Variants in MYCBP2 observed in about 807,000 individuals in gnomAD.
MYCBP2 encodes E3 ubiquitin-protein ligase MYCBP2.
Under a neutral mutation model 525.3 loss-of-function variants are expected in MYCBP2, and 120 were observed. The observed-to-expected ratio is 0.23, with a 90% CI of 0.20 to 0.27. The LOEUF (loss-of-function observed/expected upper bound fraction) is 0.27, where lower values mean the gene tolerates loss of function less well. MYCBP2 is among the 10% of genes least tolerant of loss of function. The probability of loss-of-function intolerance (pLI) is 1.00; values close to 1 mark genes in which losing one functional copy is unlikely to be tolerated. For synonymous variants in MYCBP2, 1,894 were observed against 1,955.8 expected, an observed-to-expected ratio of 0.97 and a Z score of 0.83; for missense variants, 4,149 against 5,657.1, an observed-to-expected ratio of 0.73 and a Z score of 8.55.
chr13:77,186,959 G>A (rs747476881), intron 30 of MYCBP2, among the ~76,000 whole-genome samples: 3 of 151,670 alleles, frequency 2.0e-5, no homozygotes, highest in Admixed American at 6.6e-5. Context: ...CTACAAGTGC[G>A]CACCACCATA....
rs2046557349 is a variant in MYCBP2, at chr13:77,098,438, T to C, written c.8716A>G (p.Lys2906Glu). The change falls in exon 56 of 83, where the codon AAG becomes GAG. Residue 2906 changes from lysine to glutamate, a missense_variant. Lys to Glu is a moderately conservative substitution (Grantham distance 56). Coordinates refer to ENST00000544440, the MANE Select transcript of MYCBP2 (RefSeq NM_015057.5). The stretch of plus-strand genomic sequence containing the variant: ...GATCCAGGGGAATCTGTAGAATCCT[T>C]TGGTACTGATTTTGGTTTTGGTGAC... ...STSPKPKSVP[K>E]DSTDSPGSEN... is the part of the protein sequence containing the mutation. The C allele has an allele frequency of 6.2e-7, 1 of 1,613,628 alleles. No individual in the cohort carries two copies. Among genetic ancestry groups the C allele is most frequent in the South Asian group, 1.1e-5 (1 of 91,070 alleles).
chr13:77,325,483 A>T (rs1016492041), intron 1 of MYCBP2, among the ~76,000 whole-genome samples: 1 of 151,994 alleles, frequency 6.6e-6, no homozygotes, highest in Non-Finnish European at 1.5e-5. Context: ...AGCCCTCAGC[A>T]AAAAAAAGCA....
At position 77,216,391 on chromosome 13, in the gene MYCBP2, G is replaced by A. The variant is rs2064831203; in HGVS notation, c.3057+1449C>T. ...GCTCAGGAAAGAATGATCAATGGAT[G>A]CTAAATCTAGGGGGAAATTTTGATG... On this transcript the variant is annotated intron_variant, in intron 21 of 82. Transcript: ENST00000544440. 2.6e-5 allele frequency among the ~76,000 whole-genome samples: 4 copies of A among 152,304 alleles called. No individual in the cohort carries two copies. In the South Asian group the frequency reaches 6.2e-4, roughly 24 times the overall value.
At chr13:77,062,827 C>A in intron 73 of MYCBP2, 130 bp from the exon 74 acceptor site, 1 of 683,892 alleles carries the variant, frequency 1.5e-6, no homozygotes, top group Non-Finnish European at 2.5e-6. Context: ...CAGTGGCACT[C>A]AAGTCTTCCT....
In MYCBP2 at chr13:77,168,501, C is replaced by T. The variant is rs1236976781; in HGVS notation, c.6041G>A (p.Cys2014Tyr). The T allele has an allele frequency of 1.2e-6, 2 of 1,613,900 alleles. No individual in the cohort carries two copies. The highest frequency in any genetic ancestry group is 2.7e-5 in the African/African-American group (2 of 74,858). The change falls in exon 40 of 83, where the codon TGT (cysteine) becomes TAT (tyrosine). Residue 2014 changes from cysteine (C) to tyrosine (Y), a missense_variant. By Grantham distance (194) the Cys-to-Tyr change is radical. Around this residue, in one of 21 missense-constraint regions of MYCBP2, gnomAD observed 692 missense variants for 852.7 expected, o/e 0.81. Transcript: ENST00000544440. ...GACAGCATAGTGACTGGAGGTTGTA[C>T]AAGCAGAGAGGCCCTGTTCAGGCTG... ...GNQPEQGLSA[C>Y]TTSSHYAVIE...
intron 55 of MYCBP2, among the ~76,000 whole-genome samples, chr13:77,117,589 G>A (rs1275114997): frequency 2.0e-5 from 3 of 152,070 alleles, no homozygotes; most frequent in African/African-American, 4.8e-5. Flanking sequence ...ATTTGAATCC[G>A]AAAAATGGTA....
chr13:77,224,573 AT>A, intron 19 of MYCBP2, 41 bp from the exon 20 acceptor site: 4 of 1,218,036 alleles, frequency 3.3e-6, no homozygotes, highest in Non-Finnish European at 2.4e-6. Flanking sequence ...CATTATATGC[AT>A]TTTACATTTC....
intron 23 of MYCBP2, among the ~76,000 whole-genome samples, chr13:77,210,850 G>A (rs557370519): frequency 1.3e-5 from 2 of 152,254 alleles, no homozygotes; most frequent in Non-Finnish European, 2.9e-5. Flanking sequence ...CACCTAGTAT[G>A]CACCTCTGTA....
chr13:77,241,477 CAGAT>C (rs1252506795), intron 17 of MYCBP2, among the ~76,000 whole-genome samples: 6 of 152,050 alleles, frequency 3.9e-5, no homozygotes, highest in African/African-American at 1.2e-4. Context: ...AGGTAGCAAA[CAGAT>C]AGAATGGTAA....
intron 10 of MYCBP2, among the ~76,000 whole-genome samples, chr13:77,263,246 A>C (rs1035089755): frequency 1.3e-5 from 2 of 152,024 alleles, no homozygotes; most frequent in Non-Finnish European, 2.9e-5. Context: ...AAACTTTAAA[A>C]ATTTCAACGA....
intron 52 of MYCBP2, among the ~76,000 whole-genome samples, chr13:77,136,312 A>C (rs2053755827): frequency 6.6e-6 from 1 of 152,332 alleles, no homozygotes; most frequent in South Asian, 2.1e-4. Flanking sequence ...TACCTATGAT[A>C]TCAAATACAA....
Position 77,140,524 on chromosome 13 carries a change from TA to T in MYCBP2, c.7401+321del, listed in dbSNP as rs567619417. On this transcript the variant is annotated intron_variant, in intron 50 of 82. Transcript: ENST00000544440. ...TGCAGTTTACCAAAATGCCTGTACT[TA>T]CTCTTTAGATTTCAGAAATTAACTT... 2.9e-3 allele frequency among the ~76,000 whole-genome samples: 445 copies of T among 152,328 alleles called. 1 individual carries two copies. Among genetic ancestry groups the T allele is most frequent in the Non-Finnish European group, 4.8e-3 (329 of 68,012 alleles).
At chr13:77,239,534 T>C (rs1369175489) in intron 17 of MYCBP2, among the ~76,000 whole-genome samples, 4 of 152,226 alleles carry the variant, frequency 2.6e-5, no homozygotes, top group African/African-American at 9.7e-5. Context: ...CAGGTGATTC[T>C]GATGCAGAAG....
chr13:77,226,038 A>G (rs1389759499), intron 18 of MYCBP2, among the ~76,000 whole-genome samples: 2 of 152,212 alleles, frequency 1.3e-5, no homozygotes, highest in Non-Finnish European at 2.9e-5. Flanking sequence ...ACTGCCCATA[A>G]GTATTTTGAA....
intron 22 of MYCBP2, among the ~76,000 whole-genome samples, 162 bp downstream of exon 22, chr13:77,211,794 G>A (rs937010222): frequency 2.6e-5 from 4 of 152,256 alleles, no homozygotes; most frequent in Admixed American, 2.6e-4. Flanking sequence ...TCAGCATAGA[G>A]ACACATATAA....
intron 46 of MYCBP2, among the ~76,000 whole-genome samples, chr13:77,153,670 CTG>C (rs910839156): frequency 2.6e-4 from 39 of 152,082 alleles, no homozygotes; most frequent in African/African-American, 9.4e-4. Context: ...CTTTTACAAA[CTG>C]TGTTACTTAA....
chr13:77,186,817 T>C lies in MYCBP2; in HGVS notation c.4252-754A>G, dbSNP rs189524591. On this transcript the variant is annotated intron_variant, in intron 30 of 82. Transcript: ENST00000544440. ...TATAGATTCAATTTTTTTTTTTTTT[T>C]TTTTTTGAGATAGAGTCTTCCTCTA... Among the ~76,000 whole-genome samples the C allele has an allele frequency of 6.1e-3, 919 of 149,460 alleles. 2 individuals carry two copies. Among genetic ancestry groups the C allele is most frequent in the Middle Eastern group, 0.01 (3 of 294 alleles).
At chr13:77,167,568 A>G (rs1287457731) in intron 40 of MYCBP2, among the ~76,000 whole-genome samples, 1 of 152,208 alleles carries the variant, frequency 6.6e-6, no homozygotes, top group Non-Finnish European at 1.5e-5. Flanking sequence ...ATCACAATAT[A>G]TGGATTTTAT....
intron 3 of MYCBP2, among the ~76,000 whole-genome samples, chr13:77,284,447 A>G (rs927830284): frequency 3.9e-5 from 6 of 152,176 alleles, no homozygotes; most frequent in Admixed American, 6.5e-5. Flanking sequence ...AAACCTTAAG[A>G]GACTAATTTC....
Sources: allele counts gnomAD v4.1 joint callset (sites outside exome capture counted in the v4.1 genomes callset), GRCh38; gene constraint gnomAD v4.1.1; regional missense constraint gnomAD v4.1.1; transcripts MANE v1.5; gene names NCBI Gene and HGNC (gene_info 2026-07-23, HGNC 2026-07-21).